ZMYM2: variants seen among roughly 807,000 people sequenced by gnomAD.
ZMYM2 encodes the protein zinc finger MYM-type protein 2.
Under a neutral mutation model 162.8 loss-of-function variants are expected in ZMYM2, and 56 were observed. That is an observed-to-expected ratio of 0.34 (90% CI 0.28 to 0.43). ZMYM2 has a LOEUF of 0.43. Ranked by LOEUF, ZMYM2 falls within the 20% of genes least tolerant of loss-of-function variation. The pLI is 1.00. For synonymous variants in ZMYM2, 510 were observed against 541.6 expected, an observed-to-expected ratio of 0.94 and a Z score of 0.81; for missense variants, 1,275 against 1,621.8, an observed-to-expected ratio of 0.79 and a Z score of 3.67.
chr13:19,975,861 A>AATGCATGTATGTATGT (rs1555280804), intron 2 of ZMYM2, among the ~76,000 whole-genome samples: 1 of 146,890 alleles, frequency 6.8e-6, no homozygotes, highest in African/African-American at 2.5e-5. Flanking sequence ...CCATTTTTAA[A>AATGCATGTATGTATGT]ATGTATGTAT....
chr13:19,876,320 G>A, the ZMYM2 span, among the ~76,000 whole-genome samples: 1 of 151,632 alleles, frequency 6.6e-6, no homozygotes, highest in Non-Finnish European at 1.5e-5. Flanking sequence ...GAGCCACTAC[G>A]CCTGGCTCTT....
chr13:19,882,367 T>C, the ZMYM2 span, among the ~76,000 whole-genome samples: 5 of 152,160 alleles, frequency 3.3e-5, no homozygotes, highest in Non-Finnish European at 7.3e-5. Flanking sequence ...GATTAAGGAC[T>C]TGAATAGACA....
At chr13:19,884,826 C>G in the ZMYM2 span, among the ~76,000 whole-genome samples, 4 of 152,076 alleles carry the variant, frequency 2.6e-5, no homozygotes, top group African/African-American at 9.7e-5. Context: ...ACAAACATTC[C>G]AGCAGTAAAA....
intron 7 of ZMYM2, among the ~76,000 whole-genome samples, chr13:20,021,859 C>T (rs767122492): frequency 1.3e-5 from 2 of 152,108 alleles, no homozygotes; most frequent in South Asian, 2.1e-4. Context: ...AGCCAAAATA[C>T]GTCGGTAGAT....
the ZMYM2 span, among the ~76,000 whole-genome samples, chr13:19,942,799 A>C: frequency 2.0e-5 from 3 of 152,166 alleles, no homozygotes; most frequent in Non-Finnish European, 4.4e-5. Context: ...GACAGGTTTT[A>C]TTACCCCCCT....
At chr13:19,977,373 T>A (rs1956885037) in intron 2 of ZMYM2, among the ~76,000 whole-genome samples, 1 of 152,162 alleles carries the variant, frequency 6.6e-6, no homozygotes, top group Admixed American at 6.5e-5. Context: ...TTTAAAAAAT[T>A]CAGTCTGCCA....
the ZMYM2 span, among the ~76,000 whole-genome samples, chr13:19,915,945 C>T: frequency 3.3e-5 from 5 of 151,498 alleles, no homozygotes; most frequent in East Asian, 5.8e-4. Flanking sequence ...CTGCAAGCTC[C>T]GCCTCCCGGG....
chr13:19,946,351 C>T, the ZMYM2 span, among the ~76,000 whole-genome samples: 1 of 152,206 alleles, frequency 6.6e-6, no homozygotes, highest in Non-Finnish European at 1.5e-5. Flanking sequence ...ACTCTCCTTT[C>T]CCATGACTCT....
At chr13:19,986,464 C>T (rs1949150132) in intron 2 of ZMYM2, among the ~76,000 whole-genome samples, 1 of 151,434 alleles carries the variant, frequency 6.6e-6, no homozygotes, top group South Asian at 2.1e-4. Context: ...AAAATATAAA[C>T]ATCATTACTC....
At chr13:20,003,257 G>A (rs1950517297) in intron 4 of ZMYM2, 122 bp downstream of exon 4, 3 of 1,172,128 alleles carry the variant, frequency 2.6e-6, no homozygotes, top group Admixed American at 2.8e-5. Context: ...GGTGGCATAT[G>A]GATAAAAGGC....
chr13:20,032,495 G>A (rs1953258584), intron 10 of ZMYM2, among the ~76,000 whole-genome samples: 1 of 149,648 alleles, frequency 6.7e-6, no homozygotes, highest in African/African-American at 2.5e-5. Context: ...TATTAACACT[G>A]TTCTTGAGCC....
At chr13:19,934,169 A>AT in the ZMYM2 span, among the ~76,000 whole-genome samples, 615 of 151,540 alleles carry the variant, frequency 4.1e-3, 4 homozygotes, top group Middle Eastern at 0.024. Flanking sequence ...GTTTTAAATA[A>AT]TTTTTTTTTG....
the ZMYM2 span, among the ~76,000 whole-genome samples, chr13:19,876,516 T>A: frequency 6.6e-6 from 1 of 151,684 alleles, no homozygotes; most frequent in Non-Finnish European, 1.5e-5. Flanking sequence ...AGAGACGGGG[T>A]TTCACCATTT....
At chr13:19,931,756 T>C in the ZMYM2 span, among the ~76,000 whole-genome samples, 1 of 152,204 alleles carries the variant, frequency 6.6e-6, no homozygotes, top group South Asian at 2.1e-4. Flanking sequence ...ACAAAGTAGT[T>C]GGGACTAGAG....
intron 7 of ZMYM2, among the ~76,000 whole-genome samples, chr13:20,021,093 A>C (rs1952048110): frequency 6.6e-6 from 1 of 150,516 alleles, no homozygotes; most frequent in Admixed American, 6.6e-5. Flanking sequence ...CTCCTGCCTC[A>C]GCCTCCCTAG....
intron 12 of ZMYM2, among the ~76,000 whole-genome samples, chr13:20,038,835 A>G (rs552729635): frequency 1.3e-5 from 2 of 151,822 alleles, no homozygotes; most frequent in African/African-American, 4.8e-5. Context: ...TGGTAGTTTA[A>G]TGGGAATAGC....
At chr13:19,935,524 C>T in the ZMYM2 span, among the ~76,000 whole-genome samples, 63 of 152,312 alleles carry the variant, frequency 4.1e-4, 1 homozygote, top group Admixed American at 7.2e-4. Context: ...AGTGCAAAAG[C>T]GTTCCAATTT....
chr13:20,061,186 G>A lies in ZMYM2; in HGVS notation c.2873G>A (p.Ser958Asn). The A allele has an allele frequency of 6.2e-7, 1 of 1,613,828 alleles. No individual in the cohort carries two copies. Among genetic ancestry groups the A allele is most frequent in the Non-Finnish European group, 8.5e-7 (1 of 1,179,842 alleles). The change falls in exon 17 of 25, where the codon AGT (serine) becomes AAT (asparagine). Residue 958 changes from serine to asparagine, a missense_variant. Coordinates refer to ENST00000610343, the MANE Select transcript of ZMYM2 (RefSeq NM_197968.4). ...TELLTMTDMMSEDEGKTETTN... is the reference protein window; with the variant it reads ...TELLTMTDMMNEDEGKTETTN... ...TTGCTTACAATGACGGATATGATGA[G>A]TGAAGACGAGGGGAAAACAGAGACA... is the stretch of plus-strand genomic sequence containing the variant.
the ZMYM2 span, among the ~76,000 whole-genome samples, chr13:19,908,926 T>G: frequency 6.6e-6 from 1 of 152,108 alleles, no homozygotes; most frequent in African/African-American, 2.4e-5. Context: ...GGATCCCCAA[T>G]GGAAGGGGAT....
Sources: allele counts gnomAD v4.1 joint callset (sites outside exome capture counted in the v4.1 genomes callset), GRCh38; gene constraint gnomAD v4.1.1; transcripts MANE v1.5; gene names NCBI Gene and HGNC (gene_info 2026-07-23, HGNC 2026-07-21).